Variants in STAP2 observed in about 807,000 individuals in gnomAD.
STAP2 encodes the protein signal transducing adaptor family member 2, also known as signal-transducing adaptor protein 2.
A neutral mutation model predicts 52.7 loss-of-function variants in STAP2; 58 were observed. That is an observed-to-expected ratio of 1.10 (90% CI 0.89 to 1.37). The LOEUF (loss-of-function observed/expected upper bound fraction) is 1.37. Ranked by LOEUF, STAP2 falls within the 40% of genes most tolerant of loss-of-function variation. The probability of loss-of-function intolerance (pLI) is 0.00; values close to 1 mark genes in which losing one functional copy is unlikely to be tolerated. For synonymous variants in STAP2, 231 were observed against 210.5 expected (o/e 1.10, Z -0.84); for missense variants, 522 against 519.4 (o/e 1.00, Z -0.05).
intron 1 of STAP2, among the ~76,000 whole-genome samples, chr19:4,336,949 C>T (rs1971989960): frequency 6.6e-6 from 1 of 152,012 alleles, no homozygotes; most frequent in Non-Finnish European, 1.5e-5. Flanking sequence ...CATTATCTTT[C>T]TTAACTGCAG....
chr19:4,336,971 C>T (rs1971990291), intron 1 of STAP2, among the ~76,000 whole-genome samples: 1 of 152,060 alleles, frequency 6.6e-6, no homozygotes, highest in African/African-American at 2.4e-5. Flanking sequence ...GATCTACTGG[C>T]TCTAAAGGGT....
intron 5 of STAP2, among the ~76,000 whole-genome samples, 197 bp downstream of exon 5, chr19:4,329,764 C>G (rs1168108578): frequency 6.6e-6 from 1 of 152,112 alleles, no homozygotes; most frequent in South Asian, 2.1e-4. Context: ...CCCCTAGACC[C>G]GCTCCTGGAG....
chr19:4,329,833 G>GC, intron 5 of STAP2, 128 bp downstream of exon 5: 2 of 31,442 alleles, frequency 6.4e-5, no homozygotes, highest in South Asian at 4.7e-4. Flanking sequence ...CCCACCCCCA[G>GC]CCCCAAGGCA....
chr19:4,333,008 G>A (rs1599553747), intron 3 of STAP2, among the ~76,000 whole-genome samples: 1 of 151,758 alleles, frequency 6.6e-6, no homozygotes, highest in Non-Finnish European at 1.5e-5. Flanking sequence ...TGGCCAACAT[G>A]GTGAAACCCT....
chr19:4,334,124 C>G lies in STAP2; in HGVS notation c.103-80G>C, dbSNP rs564786342. 14 of 1,242,646 alleles carry G rather than the reference C, an allele frequency of 1.1e-5. No homozygotes were observed. The African/African-American group carries it at 2.1e-4, about 19-fold the overall frequency. 77.0% of individuals were successfully genotyped at this position (1,242,646 alleles called of 1,614,324 possible). Reference sequence around the variant, plus strand: ...CATGTACTCAATCCTGTCTCGGGGCCTTTGCACTGGTTGTGCTCTCTGCCC... The same window carrying G: ...CATGTACTCAATCCTGTCTCGGGGCGTTTGCACTGGTTGTGCTCTCTGCCC... On this transcript the variant is annotated intron_variant, in intron 1 of 12. Transcript: ENST00000594605.
chr19:4,330,004 C>T lies in STAP2; in HGVS notation c.412G>A (p.Val138Ile), dbSNP rs924395917. 2 of 1,613,618 alleles carry T rather than the reference C, an allele frequency of 1.2e-6. No homozygotes were observed. The highest frequency in any genetic ancestry group is 3.3e-5 in the Admixed American group (2 of 59,984). Residue 138 changes from valine to isoleucine, a missense_variant, in exon 5 of 13, where the codon GTC becomes ATC. Val to Ile is a conservative substitution (Grantham distance 29). Coordinates refer to ENST00000594605, the MANE Select transcript of STAP2 (RefSeq NM_001013841.2). Reference protein sequence around the residue: ...LPGHLYMMSEVLAKEEARRAL... With the variant: ...LPGHLYMMSEILAKEEARRAL... ...CGGCGCGCCTCCTCTTTGGCCAAGA[C>T]TTCAGACATCATGTATAGGTGCCCA... is the stretch of plus-strand genomic sequence containing the variant.
chr19:4,332,218 T>C, intron 3 of STAP2, 140 bp from the exon 4 acceptor site: 2 of 467,058 alleles, frequency 4.3e-6, no homozygotes, highest in Non-Finnish European at 6.8e-6. Flanking sequence ...TTTTTTTTTT[T>C]TTTTGAGATG....
intron 5 of STAP2, among the ~76,000 whole-genome samples, chr19:4,329,303 C>T (rs1363869068): frequency 6.6e-6 from 1 of 151,608 alleles, no homozygotes; most frequent in African/African-American, 2.4e-5. Context: ...GATGGGGTCT[C>T]GCTATGTTGC....
chr19:4,338,788 C>G lies in STAP2; in HGVS notation c.-35G>C. On this transcript the variant is annotated 5_prime_UTR_variant, in exon 1 of 13. Transcript: ENST00000594605. The stretch of plus-strand genomic sequence containing the variant: ...AGGGTCTTCCGCCTGGCCTCTCCTT[C>G]CAGTGGGTGCCCCAGCTGGGCCGGG... The G allele has an allele frequency of 6.3e-7, 1 of 1,589,020 alleles. No individual in the cohort carries two copies.
chr19:4,338,717 G>T lies in STAP2; in HGVS notation c.37C>A (p.Pro13Thr). The T allele has an allele frequency of 1.2e-6, 2 of 1,613,640 alleles. No homozygotes were observed. Among genetic ancestry groups the T allele is most frequent in the Non-Finnish European group, 1.7e-6 (2 of 1,179,790 alleles). ...TAGTGTGAAGGCAGGACACCCTTAG[G>T]CTTGGGGACACGGGGTGGCCTCAGG... ...SALRPPRVPKPKGVLPSHYYE... is the reference protein window; with the variant it reads ...SALRPPRVPKTKGVLPSHYYE... Residue 13 changes from proline to threonine, a missense_variant, in exon 1 of 13, where the codon CCT becomes ACT. Coordinates refer to ENST00000594605, the MANE Select transcript of STAP2 (RefSeq NM_001013841.2).
intron 5 of STAP2, 85 bp from the exon 6 acceptor site, chr19:4,328,894 G>T: frequency 6.6e-7 from 1 of 1,519,402 alleles, no homozygotes. Flanking sequence ...CTGAGACCCA[G>T]CCCCATCCCC....
rs758068138 is a variant in STAP2 at position 4,338,653 on chromosome 19, C to T, written c.101G>A (p.Arg34Gln). The change falls in exon 1 of 13, where the codon CGG becomes CAG. Residue 34 changes from arginine to glutamine, a missense_variant and splice_region_variant. Coordinates refer to ENST00000594605, the MANE Select transcript of STAP2 (RefSeq NM_001013841.2). ...SFLEKKGPCD[R>Q]DYKKFWAGLQ... Reference sequence around the variant, plus strand: ...CCAGCCCCCGCCTCCCCACCTTACCCGGTCACAGGGCCCCTTCTTCTCTAG... The same window carrying T: ...CCAGCCCCCGCCTCCCCACCTTACCTGGTCACAGGGCCCCTTCTTCTCTAG... 1.5e-5 allele frequency: 24 copies of T among 1,609,786 alleles called. No individual in the cohort carries two copies. The highest frequency in any genetic ancestry group is 4.5e-5 in the East Asian group (2 of 44,496).
At chr19:4,335,539 C>G (rs545479743) in intron 1 of STAP2, among the ~76,000 whole-genome samples, 1 of 152,174 alleles carries the variant, frequency 6.6e-6, no homozygotes, top group Admixed American at 6.6e-5. Flanking sequence ...ACTCATCCCC[C>G]CATCTACCCA....
intron 4 of STAP2, among the ~76,000 whole-genome samples, 187 bp from the exon 5 acceptor site, chr19:4,330,248 C>T (rs1971867586): frequency 6.6e-6 from 1 of 151,826 alleles, no homozygotes; most frequent in Non-Finnish European, 1.5e-5. Context: ...GGGCCGGGCG[C>T]GGTGGCTCAC....
At position 4,329,979 on chromosome 19, in the gene STAP2, C is replaced by A; in HGVS notation, c.437G>T (p.Arg146Leu). ...SEVLAKEEAR[R>L]ALETPSCFLK... ...CACTCACGAGGGTGTCTCCAGTGCA[C>A]GGCGCGCCTCCTCTTTGGCCAAGAC... Residue 146 changes from arginine (R) to leucine (L), a missense_variant, in exon 5 of 13, where the codon CGT (arginine) becomes CTT (leucine). By Grantham distance (102) the Arg-to-Leu change is moderately radical. Coordinates refer to ENST00000594605, the MANE Select transcript of STAP2 (RefSeq NM_001013841.2). 2 of 1,613,436 alleles carry A rather than the reference C, an allele frequency of 1.2e-6. No individual in the cohort carries two copies.
intron 5 of STAP2, 44 bp from the exon 6 acceptor site, chr19:4,328,853 T>A: frequency 6.3e-7 from 1 of 1,594,568 alleles, no homozygotes; most frequent in South Asian, 1.1e-5. Flanking sequence ...GGAGACCAAG[T>A]CCGCTCTTCT....
Position 4,327,119 on chromosome 19 carries a change from C to T in STAP2, c.763+5G>A, listed in dbSNP as rs1185223731. On this transcript the variant is annotated splice_donor_5th_base_variant and intron_variant, in intron 8 of 12. Coordinates refer to ENST00000594605, the MANE Select transcript of STAP2 (RefSeq NM_001013841.2). ...GGCCCCCGAACTCCCCGAAGGGGCA[C>T]CCACCTAGCACCTTCTCGTAGTCCT... 8.7e-6 allele frequency: 14 copies of T among 1,614,024 alleles called. No individual in the cohort carries two copies. Among genetic ancestry groups the T allele is most frequent in the Admixed American group, 1.7e-5 (1 of 59,988 alleles).
At chr19:4,326,784 A>C (rs8109451) in intron 9 of STAP2, among the ~76,000 whole-genome samples, 158 bp downstream of exon 9, 13,050 of 151,494 alleles carry the variant, frequency 0.086, 612 homozygotes, top group Middle Eastern at 0.18. Flanking sequence ...CCCCTCCCCC[A>C]CACACACACC....
intron 1 of STAP2, among the ~76,000 whole-genome samples, chr19:4,337,847 T>C (rs141189227): frequency 0.01 from 1,559 of 151,448 alleles, 26 homozygotes; most frequent in African/African-American, 0.035. Flanking sequence ...TGAGACTCAG[T>C]CTCAAAAATA....
Sources: gnomAD v4.1 joint callset for allele counts (sites outside exome capture counted in the v4.1 genomes callset) on GRCh38, gnomAD v4.1.1 for gene constraint, MANE v1.5 for transcripts, NCBI Gene and HGNC (gene_info 2026-07-23, HGNC 2026-07-21) for gene names.